ILDR1: variants seen among roughly 807,000 people sequenced by gnomAD.
ILDR1 encodes the protein immunoglobulin-like domain-containing receptor 1.
In ILDR1, 56 loss-of-function variants were observed where a neutral mutation model predicts 62.4. That is an observed-to-expected ratio of 0.90 (90% CI 0.72 to 1.12). The LOEUF (loss-of-function observed/expected upper bound fraction) is 1.12, where lower values mean the gene tolerates loss of function less well. ILDR1 is among the 50% of genes most tolerant of loss of function. The pLI, the probability that ILDR1 is intolerant of heterozygous loss-of-function variation, is 0.00. For missense variants in ILDR1, 736 were observed against 710.6 expected, an observed-to-expected ratio of 1.04 and a Z score of -0.41; for synonymous variants, 284 against 277.8, an observed-to-expected ratio of 1.02 and a Z score of -0.22.
At chr3:121,994,876 G>T (rs897583174) in intron 5 of ILDR1, among the ~76,000 whole-genome samples, 1 of 152,206 alleles carries the variant, frequency 6.6e-6, no homozygotes, top group Non-Finnish European at 1.5e-5. Flanking sequence ...AAGTTTGTGG[G>T]AAGAAGGCAA....
the ILDR1 span, among the ~76,000 whole-genome samples, chr3:122,047,692 A>G: frequency 2.0e-5 from 3 of 151,906 alleles, no homozygotes; most frequent in Non-Finnish European, 4.4e-5. Flanking sequence ...TGCGTCTGTC[A>G]CCCCTTTCTT....
intron 5 of ILDR1, among the ~76,000 whole-genome samples, chr3:122,000,386 TA>T (rs754617762): frequency 8.6e-4 from 131 of 152,200 alleles, no homozygotes; most frequent in South Asian, 1.7e-3. Flanking sequence ...GAAGTCTCCA[TA>T]AAAACCCAAA....
At chr3:122,041,696 C>T in the ILDR1 span, among the ~76,000 whole-genome samples, 2 of 151,830 alleles carry the variant, frequency 1.3e-5, no homozygotes, top group African/African-American at 4.8e-5. Context: ...TTCTTAATTT[C>T]CTTTGCAGGT....
chr3:122,014,665 G>A (rs1252837373), intron 1 of ILDR1, among the ~76,000 whole-genome samples: 1 of 152,056 alleles, frequency 6.6e-6, no homozygotes, highest in Non-Finnish European at 1.5e-5. Flanking sequence ...TTTTCTATTC[G>A]AATAGATACT....
intron 3 of ILDR1, among the ~76,000 whole-genome samples, 175 bp from the exon 4 acceptor site, chr3:122,002,039 C>G (rs974385129): frequency 6.6e-6 from 1 of 152,092 alleles, no homozygotes; most frequent in African/African-American, 2.4e-5. Context: ...TCTCTGGAGA[C>G]CGAGGTGGGA....
At chr3:122,035,441 C>T in the ILDR1 span, among the ~76,000 whole-genome samples, 5 of 151,892 alleles carry the variant, frequency 3.3e-5, no homozygotes, top group South Asian at 4.1e-4. Flanking sequence ...TATGCCTTTT[C>T]CCCAAAAAAA....
intron 1 of ILDR1, among the ~76,000 whole-genome samples, chr3:122,011,676 T>TACAC (rs1559881096): frequency 3.4e-4 from 17 of 49,568 alleles, no homozygotes; most frequent in Admixed American, 4.4e-4. Context: ...CTCTCTCTCT[T>TACAC]TCACACACAC....
Position 121,993,602 on chromosome 3 carries a change from G to C in ILDR1, c.1147C>G (p.Arg383Gly), listed in dbSNP as rs145794433. The C allele has an allele frequency of 2.4e-5, 39 of 1,614,066 alleles. No individual in the cohort carries two copies. The highest frequency in any genetic ancestry group is 3.4e-6 in the Non-Finnish European group (4 of 1,180,040). ...YPDFHQELQDRGPKSWALERR... is the reference protein window; with the variant it reads ...YPDFHQELQDGGPKSWALERR... ...TCCAATGCCCAAGACTTTGGCCCCC[G>C]GTCCTGGAGCTCCTGGTGGAAATCA... Residue 383 changes from arginine to glycine, a missense_variant, in exon 7 of 8, where the codon CGG becomes GGG. Transcript: ENST00000344209.
chr3:122,024,481 T>G (rs191914260), upstream of ILDR1, among the ~76,000 whole-genome samples: 2 of 152,352 alleles, frequency 1.3e-5, no homozygotes, highest in Admixed American at 6.5e-5. Flanking sequence ...TATTTTTCCC[T>G]TGGGAATTAC....
the ILDR1 span, among the ~76,000 whole-genome samples, chr3:122,039,781 GAATT>G: frequency 6.6e-6 from 1 of 152,072 alleles, no homozygotes; most frequent in African/African-American, 2.4e-5. Flanking sequence ...TGTGCTAAAA[GAATT>G]GATTGTTTAA....
At chr3:122,000,185 T>G (rs1024390437) in intron 5 of ILDR1, among the ~76,000 whole-genome samples, 53 of 151,294 alleles carry the variant, frequency 3.5e-4, no homozygotes, top group Non-Finnish European at 2.4e-4. Context: ...AAATAAAAAT[T>G]CTCAGGTCCT....
At chr3:121,993,066 G>A (rs2071373172) in intron 7 of ILDR1, 84 bp downstream of exon 7, 2 of 1,131,162 alleles carry the variant, frequency 1.8e-6, no homozygotes, top group Non-Finnish European at 1.3e-6. Context: ...GGAATGAGAG[G>A]CAGCCTGTGT....
the ILDR1 span, among the ~76,000 whole-genome samples, chr3:122,044,938 G>A: frequency 6.8e-6 from 1 of 147,846 alleles, no homozygotes; most frequent in African/African-American, 2.5e-5. Flanking sequence ...TCTGATTTTA[G>A]TTATTTCTTG....
intron 1 of ILDR1, among the ~76,000 whole-genome samples, chr3:122,021,763 G>A (rs2071858688): frequency 6.6e-6 from 1 of 152,246 alleles, no homozygotes; most frequent in South Asian, 2.1e-4. Context: ...ATGACTGCAG[G>A]AACGAAAGTT....
chr3:121,994,350 AG>A (rs1559871878), intron 5 of ILDR1, 37 bp from the exon 6 acceptor site: 2 of 1,514,490 alleles, frequency 1.3e-6, no homozygotes, highest in East Asian at 2.5e-5. Flanking sequence ...GCCCTCAGCC[AG>A]GGCAAGCCCC....
At chr3:122,048,845 A>G in the ILDR1 span, among the ~76,000 whole-genome samples, 1 of 152,056 alleles carries the variant, frequency 6.6e-6, no homozygotes, top group African/African-American at 2.4e-5. Context: ...TACGTTGCCC[A>G]GGCTGGTCTT....
At chr3:122,022,994 T>A, upstream of ILDR1, among the ~76,000 whole-genome samples, 1 of 150,766 alleles carries the variant, frequency 6.6e-6, no homozygotes, top group East Asian at 1.9e-4. Flanking sequence ...ACTAGAGAAG[T>A]TGACTCAAGT....
chr3:122,023,257 CCAAGGTTTTGACCTTGCCAGAT>C (rs1265288471), upstream of ILDR1, among the ~76,000 whole-genome samples: 2 of 152,102 alleles, frequency 1.3e-5, no homozygotes, highest in African/African-American at 2.4e-5. Flanking sequence ...TCAACCCCCA[CCAAGGTTTTGACCTTGCCAGAT>C]CAAGGTTTTG....
chr3:121,988,527 G>T, intron 7 of ILDR1, 119 bp from the exon 8 acceptor site: 1 of 785,964 alleles, frequency 1.3e-6, no homozygotes, highest in Non-Finnish European at 2.2e-6. Context: ...TGCCAGGACA[G>T]CAGATCTGAA....
Sources: gnomAD v4.1 joint callset for allele counts (sites outside exome capture counted in the v4.1 genomes callset) on GRCh38, gnomAD v4.1.1 for gene constraint, MANE v1.5 for transcripts, NCBI Gene and HGNC (gene_info 2026-07-23, HGNC 2026-07-21) for gene names.